ESCO2: variants seen among roughly 807,000 people sequenced by gnomAD.
ESCO2 encodes N-acetyltransferase ESCO2.
In ESCO2, 51 loss-of-function variants were observed where a neutral mutation model predicts 61.7. The ratio of observed to expected loss-of-function variants is 0.83; its 90% CI spans 0.66 to 1.04. ESCO2 has a LOEUF of 1.04. Ranked by LOEUF, ESCO2 falls within the 50% of genes least tolerant of loss-of-function variation. ESCO2 has a pLI of 0.00. For missense variants in ESCO2, 692 were observed against 686.2 expected, an observed-to-expected ratio of 1.01 and a Z score of -0.09; for synonymous variants, 230 against 238.2, an observed-to-expected ratio of 0.97 and a Z score of 0.32.
downstream of ESCO2, chr8:27,810,308 G>C (rs1260408760): frequency 1.9e-6 from 3 of 1,604,244 alleles, no homozygotes; most frequent in African/African-American, 4.0e-5. Context: ...ATGATCACTA[G>C]ACATCTGTTT....
At chr8:27,787,403 T>C in intron 5 of ESCO2, among the ~76,000 whole-genome samples, 1 of 125,210 alleles carries the variant, frequency 8.0e-6, no homozygotes. Flanking sequence ...ATTTAGAAGC[T>C]TCATTGCCCA....
At chr8:27,786,801 T>TC (rs1805052945) in intron 5 of ESCO2, among the ~76,000 whole-genome samples, 1 of 141,850 alleles carries the variant, frequency 7.0e-6, no homozygotes, top group Admixed American at 7.1e-5. Context: ...TTTTTTTTTT[T>TC]CTACTTTGTC....
downstream of ESCO2, among the ~76,000 whole-genome samples, chr8:27,816,383 A>G (rs202069584): frequency 2.0e-5 from 1 of 48,900 alleles, no homozygotes; most frequent in Non-Finnish European, 4.5e-5. Flanking sequence ...ATTTATTTTA[A>G]TTTATTTTTT....
chr8:27,807,346 GTCTT>G (rs1297922799), downstream of ESCO2, among the ~76,000 whole-genome samples: 2 of 152,106 alleles, frequency 1.3e-5, no homozygotes, highest in Non-Finnish European at 2.9e-5. Flanking sequence ...TTTATAAAAA[GTCTT>G]TCTTCTATCT....
At position 27,799,473 on chromosome 8, in the gene ESCO2, A is replaced by AT. The variant is rs879156261; in HGVS notation, c.1498-59dup. On this transcript the variant is annotated intron_variant, in intron 9 of 10. Coordinates refer to ENST00000305188, the MANE Select transcript of ESCO2 (RefSeq NM_001017420.3). ...TAAATTTTTGATACTTATTTAAGGA[A>AT]TTTTTTTTTAAAGCAGTGTGAACTC... 914 of 1,513,314 alleles carry AT rather than the reference A, an allele frequency of 6.0e-4. 1 individual carries two copies. The highest frequency in any genetic ancestry group is 7.1e-4 in the Non-Finnish European group (773 of 1,091,356). 93.7% of individuals were successfully genotyped at this position (1,513,314 alleles called of 1,614,324 possible). A position where few individuals can be genotyped will look rare whatever the true frequency, so the allele number is the denominator to read the frequency against.
At chr8:27,775,699 C>T in intron 2 of ESCO2, 132 bp downstream of exon 2, 1 of 778,570 alleles carries the variant, frequency 1.3e-6, no homozygotes, top group Middle Eastern at 2.3e-4. Context: ...ACCTGATAAC[C>T]TATATTCTAA....
At chr8:27,796,077 T>C (rs1244686583) in intron 9 of ESCO2, among the ~76,000 whole-genome samples, 2 of 148,874 alleles carry the variant, frequency 1.3e-5, no homozygotes, top group African/African-American at 5.0e-5. Context: ...GGCTTTCCTA[T>C]GATGCAAGTT....
chr8:27,799,035 T>C (rs1381631925), intron 9 of ESCO2, among the ~76,000 whole-genome samples: 1 of 152,194 alleles, frequency 6.6e-6, no homozygotes, highest in East Asian at 1.9e-4. Context: ...TTTGGTATTA[T>C]ACCAGTTATG....
intron 10 of ESCO2, among the ~76,000 whole-genome samples, chr8:27,802,638 T>A (rs1425010552): frequency 0.071 from 4,125 of 57,706 alleles, 211 homozygotes; most frequent in Non-Finnish European, 0.093. Flanking sequence ...AAAATATATA[T>A]ATATATATAT....
At chr8:27,817,309 A>G (rs1460088684), downstream of ESCO2, among the ~76,000 whole-genome samples, 1 of 152,154 alleles carries the variant, frequency 6.6e-6, no homozygotes, top group Non-Finnish European at 1.5e-5. Flanking sequence ...ACATTTTATC[A>G]TCATAGAAAG....
At chr8:27,789,190 T>C (rs112985930) in intron 7 of ESCO2, among the ~76,000 whole-genome samples, 5 of 152,328 alleles carry the variant, frequency 3.3e-5, no homozygotes, top group African/African-American at 1.2e-4. Flanking sequence ...ACTGCAGAGA[T>C]ACTCTCTTCC....
In ESCO2 at chr8:27,786,671, T is replaced by C. The variant is rs150017343; in HGVS notation, c.1014-1214T>C. Among the ~76,000 whole-genome samples the C allele has an allele frequency of 1.3e-3, 192 of 152,332 alleles. 1 individual carries two copies. Among genetic ancestry groups the C allele is most frequent in the African/African-American group, 4.2e-3 (174 of 41,566 alleles). On this transcript the variant is annotated intron_variant, in intron 5 of 10. Coordinates refer to ENST00000305188, the MANE Select transcript of ESCO2 (RefSeq NM_001017420.3). ...TTTGGTTTTATGTCTGTACTAGTCA[T>C]GTGAAATGTATTTCTTAGCATAGAT...
downstream of ESCO2, among the ~76,000 whole-genome samples, chr8:27,812,959 C>G (rs192471865): frequency 2.0e-5 from 3 of 152,188 alleles, no homozygotes; most frequent in African/African-American, 7.2e-5. Context: ...ACCCAGCAAT[C>G]CCATTACTGG....
At chr8:27,775,665 C>T (rs1313466419) in intron 2 of ESCO2, 98 bp downstream of exon 2, 2 of 1,104,324 alleles carry the variant, frequency 1.8e-6, no homozygotes, top group Non-Finnish European at 2.8e-6. Context: ...TTCCACTAGC[C>T]TACTCCTTGT....
chr8:27,791,817 C>T, intron 7 of ESCO2, 146 bp from the exon 8 acceptor site: 1 of 729,384 alleles, frequency 1.4e-6, no homozygotes, highest in East Asian at 2.7e-5. Flanking sequence ...ATTTCTCTTC[C>T]CACATTACTT....
At position 27,805,075 on chromosome 8, in the gene ESCO2, G is replaced by T. The variant is rs1008179419; in HGVS notation, c.*1637G>T. The stretch of plus-strand genomic sequence containing the variant: ...AGGCGGGTGGATCATGAGGTCAGGA[G>T]ATCGAGACCATCCTGGCTAACAAGG... On this transcript the variant is annotated 3_prime_UTR_variant, in exon 11 of 11. Coordinates refer to ENST00000305188, the MANE Select transcript of ESCO2 (RefSeq NM_001017420.3). 9.0e-6 allele frequency: 1 copy of T among 111,514 alleles called. No homozygotes were observed. The highest frequency in any genetic ancestry group is 4.2e-5 in the African/African-American group (1 of 23,790). The allele number at this position is 111,514 out of a possible 1,614,324, so 6.9% of individuals were successfully genotyped here. A position where few individuals can be genotyped will look rare whatever the true frequency, so the allele number is the denominator to read the frequency against.
intron 10 of ESCO2, among the ~76,000 whole-genome samples, chr8:27,801,406 T>G (rs928428944): frequency 2.6e-5 from 4 of 152,152 alleles, no homozygotes; most frequent in African/African-American, 7.2e-5. Flanking sequence ...CCAACACCAT[T>G]ATGGGGACCG....
At chr8:27,779,274 A>G (rs1178292909) in intron 3 of ESCO2, 1 of 152,170 alleles carries the variant, frequency 6.6e-6, no homozygotes, top group African/African-American at 2.4e-5. Context: ...AAAAGTGTTA[A>G]ACTGATGGGT....
intron 6 of ESCO2, among the ~76,000 whole-genome samples, chr8:27,788,461 T>G (rs1805098028): frequency 1.3e-5 from 2 of 152,210 alleles, no homozygotes; most frequent in South Asian, 4.1e-4. Flanking sequence ...TCTTTGGTTT[T>G]TACACTGTCC....
Sources: allele counts gnomAD v4.1 joint callset (sites outside exome capture counted in the v4.1 genomes callset), GRCh38; gene constraint gnomAD v4.1.1; transcripts MANE v1.5; gene names NCBI Gene and HGNC (gene_info 2026-07-23, HGNC 2026-07-21).